Variants in CPSF4 observed in about 807,000 individuals in gnomAD.
CPSF4 encodes the protein cleavage and polyadenylation specific factor 4.
Under a neutral mutation model 37.7 loss-of-function variants are expected in CPSF4, and 11 were observed. The ratio of observed to expected loss-of-function variants is 0.29; its 90% CI spans 0.18 to 0.48. The LOEUF is 0.48. CPSF4 is among the 20% of genes least tolerant of loss of function. CPSF4 has a pLI of 0.99. For synonymous variants in CPSF4, 132 were observed against 135.9 expected (o/e 0.97, Z 0.20); for missense variants, 144 against 359.5 (o/e 0.40, Z 4.85).
chr7:99,440,937 C>T (rs1300119901), intron 1 of CPSF4, among the ~76,000 whole-genome samples: 1 of 146,466 alleles, frequency 6.8e-6, no homozygotes, highest in Non-Finnish European at 1.5e-5. Context: ...CACATGTGGC[C>T]TTTTCCTGTC....
chr7:99,452,102 G>C (rs763837634), intron 5 of CPSF4, among the ~76,000 whole-genome samples: 19 of 152,136 alleles, frequency 1.2e-4, no homozygotes, highest in Non-Finnish European at 2.2e-4. Flanking sequence ...CACTGGCCAT[G>C]AGTCTCCCAG....
At chr7:99,447,988 C>A in intron 2 of CPSF4, 133 bp from the exon 3 acceptor site, 1 of 771,412 alleles carries the variant, frequency 1.3e-6, no homozygotes, top group Non-Finnish European at 2.1e-6. Flanking sequence ...GGGACCTCTG[C>A]CCCTTTCCAG....
chr7:99,438,999 T>TG lies in CPSF4; in HGVS notation c.-83dup. 2 of 1,409,574 alleles carry TG rather than the reference T, an allele frequency of 1.4e-6. No individual in the cohort carries two copies. Among genetic ancestry groups the TG allele is most frequent in the Non-Finnish European group, 1.9e-6 (2 of 1,065,976 alleles). The allele number at this position is 1,409,574 out of a possible 1,614,324, so 87.3% of individuals were successfully genotyped here. On this transcript the variant is annotated 5_prime_UTR_variant, in exon 1 of 8. Transcript: ENST00000292476. Reference sequence around the variant, plus strand: ...CGAGGCGAAGCGAAGGAGGAGTGTGTGCGGCGGGGCCGGCGGCGGGTAAAG... The same window carrying TG: ...CGAGGCGAAGCGAAGGAGGAGTGTGTGGCGGCGGGGCCGGCGGCGGGTAAAG...
In CPSF4 at chr7:99,456,558, TAA is replaced by T; in HGVS notation, c.*59_*60del. 1 of 1,447,900 alleles carries T rather than the reference TAA, an allele frequency of 6.9e-7. No individual in the cohort carries two copies. Among genetic ancestry groups the T allele is most frequent in the South Asian group, 1.1e-5 (1 of 87,568 alleles). The allele number at this position is 1,447,900 out of a possible 1,614,324, so 89.7% of individuals were successfully genotyped here. A position where few individuals can be genotyped will look rare whatever the true frequency, so the allele number is the denominator to read the frequency against. ...GGCCCCGCTGTTGGGAGTGTGCATTTAACTGTTTCATGCGCTTGTTGGCGCGA... is the reference window on the plus strand; with the variant it reads ...GGCCCCGCTGTTGGGAGTGTGCATTTCTGTTTCATGCGCTTGTTGGCGCGA... On this transcript the variant is annotated 3_prime_UTR_variant, in exon 8 of 8. Coordinates refer to ENST00000292476, the MANE Select transcript of CPSF4 (RefSeq NM_006693.4).
At position 99,448,134 on chromosome 7, in the gene CPSF4, G is replaced by A. The variant is rs147382390; in HGVS notation, c.168G>A (p.Pro56=). The change falls in exon 3 of 8, where the codon CCG becomes CCA. Residue 56 remains proline (P), a synonymous_variant. Coordinates refer to ENST00000292476, the MANE Select transcript of CPSF4 (RefSeq NM_006693.4). The surrounding 1 kb of genome is among the most constrained non-coding windows in gnomAD (Gnocchi z 4.4). ...KAACGKGGMC[P]FRHISGEKTV... ...TCTTGCCGGCAGGGGGCATGTGTCC[G>A]TTTCGCCACATCAGTGGTGAGAAGA... 30 of 1,613,936 alleles carry A rather than the reference G, an allele frequency of 1.9e-5. No homozygotes were observed. Among genetic ancestry groups the A allele is most frequent in the Admixed American group, 3.3e-5 (2 of 60,002 alleles).
chr7:99,457,192 C>G lies in CPSF4; in HGVS notation c.*692C>G, dbSNP rs966553322. On this transcript the variant is annotated 3_prime_UTR_variant, in exon 8 of 8. Transcript: ENST00000292476. ...GATGACCCCTTCAGATCATCTGTGC[C>G]TACCTCCTGCCCATCAGGCGTCTAC... 1 of 158,878 alleles carries G rather than the reference C, an allele frequency of 6.3e-6. No individual in the cohort carries two copies. The highest frequency in any genetic ancestry group is 1.4e-5 in the Non-Finnish European group (1 of 71,238). 9.8% of individuals were successfully genotyped at this position (158,878 alleles called of 1,614,324 possible). A position where few individuals can be genotyped will look rare whatever the true frequency, so the allele number is the denominator to read the frequency against.
rs1185358871 is a variant in CPSF4, at chr7:99,457,023, C to T, written c.*523C>T. ...AGGTGCCCCCATTGCCTCAGGCTGGCCCTGGTCCCAGGTGGCAGCGGTTGA... is the reference window on the plus strand; with the variant it reads ...AGGTGCCCCCATTGCCTCAGGCTGGTCCTGGTCCCAGGTGGCAGCGGTTGA... On this transcript the variant is annotated 3_prime_UTR_variant, in exon 8 of 8. Coordinates refer to ENST00000292476, the MANE Select transcript of CPSF4 (RefSeq NM_006693.4). 1.2e-5 allele frequency: 3 copies of T among 242,222 alleles called. No homozygotes were observed. The highest frequency in any genetic ancestry group is 1.0e-4 in the Admixed American group (2 of 19,932). The allele number at this position is 242,222 out of a possible 1,614,324, so 15.0% of individuals were successfully genotyped here.
chr7:99,451,382 G>A (rs984741369), intron 5 of CPSF4, among the ~76,000 whole-genome samples: 6 of 152,182 alleles, frequency 3.9e-5, no homozygotes, highest in Non-Finnish European at 7.3e-5. Context: ...AGAGGAAGGC[G>A]GATCACGAGG....
intron 3 of CPSF4, among the ~76,000 whole-genome samples, chr7:99,449,883 A>G (rs1403396359): frequency 6.6e-6 from 1 of 151,988 alleles, no homozygotes; most frequent in Non-Finnish European, 1.5e-5. Context: ...CTGGGGAAGG[A>G]GTTTGCATTT....
In CPSF4 at chr7:99,457,193, T is replaced by C. The variant is rs977885870; in HGVS notation, c.*693T>C. 3 of 159,018 alleles carry C rather than the reference T, an allele frequency of 1.9e-5. No individual in the cohort carries two copies. Among genetic ancestry groups the C allele is most frequent in the African/African-American group, 7.2e-5 (3 of 41,524 alleles). 9.9% of individuals were successfully genotyped at this position (159,018 alleles called of 1,614,324 possible). On this transcript the variant is annotated 3_prime_UTR_variant, in exon 8 of 8. Transcript: ENST00000292476. ...ATGACCCCTTCAGATCATCTGTGCC[T>C]ACCTCCTGCCCATCAGGCGTCTACA... is the stretch of plus-strand genomic sequence containing the variant.
rs1228721219 is a variant in CPSF4, at chr7:99,440,655, C to CATATATATATATATATATATATAT, written c.103+1490_103+1491insATATATATATATATATATATATAT. On this transcript the variant is annotated intron_variant, in intron 1 of 7. Coordinates refer to ENST00000292476, the MANE Select transcript of CPSF4 (RefSeq NM_006693.4). ...TATAGGCATGAGCCACTGCACCTGG[C>CATATATATATATATATATATATAT]ATATATATATATATATATATTTTTT... 2.9e-4 allele frequency among the ~76,000 whole-genome samples: 26 copies of CATATATATATATATATATATATAT among 90,562 alleles called. 2 individuals carry two copies. The highest frequency in any genetic ancestry group is 1.9e-3 in the African/African-American group (22 of 11,698). 59.4% of individuals were successfully genotyped at this position (90,562 alleles called of 152,430 possible). A position where few individuals can be genotyped will look rare whatever the true frequency, so the allele number is the denominator to read the frequency against.
chr7:99,440,155 C>T (rs575041812), intron 1 of CPSF4, among the ~76,000 whole-genome samples: 28 of 152,034 alleles, frequency 1.8e-4, no homozygotes, highest in Non-Finnish European at 3.5e-4. Context: ...AAACTGAGAC[C>T]CAAGCGGGGG....
chr7:99,449,151 G>A (rs1362566247), intron 3 of CPSF4: 1 of 152,340 alleles, frequency 6.6e-6, no homozygotes, highest in African/African-American at 2.4e-5. Flanking sequence ...ATCCTGCAGG[G>A]AGCCAGGGAG....
chr7:99,452,549 A>G (rs1798008866), intron 6 of CPSF4, 109 bp downstream of exon 6: 5 of 939,656 alleles, frequency 5.3e-6, no homozygotes, highest in Non-Finnish European at 8.4e-6. Flanking sequence ...ACAACTTGGG[A>G]GAGGAGGGGA....
At chr7:99,450,867 G>GGT (rs2151006477) in intron 5 of CPSF4, 72 bp downstream of exon 5, 1 of 1,085,992 alleles carries the variant, frequency 9.2e-7, no homozygotes, top group Admixed American at 1.8e-5. Context: ...TATCTTCCCT[G>GGT]GGCCAACTGG....
intron 5 of CPSF4, among the ~76,000 whole-genome samples, chr7:99,451,646 G>A (rs1797942523): frequency 1.3e-5 from 2 of 152,188 alleles, no homozygotes; most frequent in Non-Finnish European, 2.9e-5. Flanking sequence ...GTGAGCCTCC[G>A]AAGACGGGTT....
At chr7:99,442,880 TC>T (rs759621543) in intron 1 of CPSF4, 1 of 1,169,750 alleles carries the variant, frequency 8.5e-7, no homozygotes, top group South Asian at 1.2e-5. Flanking sequence ...CAAGAACCTT[TC>T]ATCAGGCAAT....
chr7:99,445,022 C>T (rs146279758), intron 2 of CPSF4, among the ~76,000 whole-genome samples, 183 bp downstream of exon 2: 2 of 152,310 alleles, frequency 1.3e-5, no homozygotes, highest in African/African-American at 4.8e-5. Flanking sequence ...GAAACCTAAA[C>T]GCAGGACTGA....
At position 99,457,188 on chromosome 7, in the gene CPSF4, G is replaced by T. The variant is rs1163023940; in HGVS notation, c.*688G>T. On this transcript the variant is annotated 3_prime_UTR_variant, in exon 8 of 8. Transcript: ENST00000292476. Reference sequence around the variant, plus strand: ...AATAGATGACCCCTTCAGATCATCTGTGCCTACCTCCTGCCCATCAGGCGT... The same window carrying T: ...AATAGATGACCCCTTCAGATCATCTTTGCCTACCTCCTGCCCATCAGGCGT... 2 of 159,038 alleles carry T rather than the reference G, an allele frequency of 1.3e-5. No individual in the cohort carries two copies. The highest frequency in any genetic ancestry group is 2.8e-5 in the Non-Finnish European group (2 of 71,328). 9.9% of individuals were successfully genotyped at this position (159,038 alleles called of 1,614,324 possible).
Sources: allele counts gnomAD v4.1 joint callset (sites outside exome capture counted in the v4.1 genomes callset), GRCh38; gene constraint gnomAD v4.1.1; non-coding constraint Gnocchi (gnomAD v3.1); transcripts MANE v1.5; gene names NCBI Gene and HGNC (gene_info 2026-07-23, HGNC 2026-07-21).